Variants in SMAP1 observed in about 807,000 individuals in gnomAD.
SMAP1 encodes stromal membrane-associated protein 1.
Under a neutral mutation model 58.5 loss-of-function variants are expected in SMAP1, and 24 were observed. That is an observed-to-expected ratio of 0.41 (90% CI 0.30 to 0.58). SMAP1 has a LOEUF of 0.58. Ranked by LOEUF, SMAP1 falls within the 20% of genes least tolerant of loss-of-function variation. The pLI, the probability that SMAP1 is intolerant of heterozygous loss-of-function variation, is 0.29. For missense variants in SMAP1, 563 were observed against 566.3 expected (o/e 0.99, Z 0.06); for synonymous variants, 216 against 196.6 (o/e 1.10, Z -0.82).
intron 6 of SMAP1, among the ~76,000 whole-genome samples, chr6:70,801,593 C>T (rs1049244081): frequency 2.6e-5 from 4 of 152,092 alleles, no homozygotes; most frequent in Non-Finnish European, 5.9e-5. Flanking sequence ...CTTGCCCATG[C>T]CTGTGTCCTG....
At chr6:70,798,431 G>A (rs766625384) in intron 5 of SMAP1, among the ~76,000 whole-genome samples, 9 of 151,878 alleles carry the variant, frequency 5.9e-5, no homozygotes, top group Admixed American at 1.3e-4. Context: ...TTGTCTTACC[G>A]CTGTGCCTCT....
intron 4 of SMAP1, among the ~76,000 whole-genome samples, chr6:70,785,141 T>A (rs1767952535): frequency 6.6e-6 from 1 of 152,186 alleles, no homozygotes; most frequent in South Asian, 2.1e-4. Context: ...AACTCAGGAT[T>A]AAGAAACTCA....
chr6:70,668,600 A>T, intron 1 of SMAP1: 1 of 1,535,368 alleles, frequency 6.5e-7, no homozygotes, highest in East Asian at 2.4e-5. Flanking sequence ...ACGTCCTCCC[A>T]CTCCGGGCTC....
At chr6:70,820,878 C>G (rs2149981275) in intron 6 of SMAP1, among the ~76,000 whole-genome samples, 1 of 152,096 alleles carries the variant, frequency 6.6e-6, no homozygotes, top group African/African-American at 2.4e-5. Context: ...TGCTTTTCGA[C>G]TCTTATTTTT....
At position 70,676,954 on chromosome 6, in the gene SMAP1, A is replaced by G. The variant is rs927897703; in HGVS notation, c.118+8813A>G. On this transcript the variant is annotated intron_variant, in intron 1 of 10. Coordinates refer to ENST00000370455, the MANE Select transcript of SMAP1 (RefSeq NM_001044305.3). The stretch of plus-strand genomic sequence containing the variant: ...TGTCACCATGTATGGCTAATTTAAA[A>G]AAAATTTTTTTGTTGGGTGTGGTGG... Among the ~76,000 whole-genome samples the G allele has an allele frequency of 2.6e-5, 4 of 151,828 alleles. No individual in the cohort carries two copies. The South Asian group carries it at 6.2e-4, about 24-fold the overall frequency.
chr6:70,731,035 A>G (rs941602641), intron 1 of SMAP1, among the ~76,000 whole-genome samples: 5 of 152,164 alleles, frequency 3.3e-5, no homozygotes, highest in African/African-American at 1.2e-4. Context: ...CCTGACCTCA[A>G]GTGATCCGCC....
At chr6:70,695,031 A>G (rs746103594) in intron 1 of SMAP1, among the ~76,000 whole-genome samples, 4 of 152,162 alleles carry the variant, frequency 2.6e-5, no homozygotes, top group Non-Finnish European at 4.4e-5. Context: ...AAGTTTATTT[A>G]TCTCATTGTA....
At chr6:70,822,292 G>A (rs1254155177) in intron 6 of SMAP1, among the ~76,000 whole-genome samples, 2 of 152,130 alleles carry the variant, frequency 1.3e-5, no homozygotes, top group Non-Finnish European at 2.9e-5. Context: ...ATTGTTCTAA[G>A]CTCTTTAAAT....
chr6:70,773,341 T>C lies in SMAP1; in HGVS notation c.339-9T>C, dbSNP rs1161078104. ...AATTCATGCTTTTCCTTAAGTTATC[T>C]GTTTTCAGAGCAGTGGAATTTTTCA... On this transcript the variant is annotated splice_polypyrimidine_tract_variant and intron_variant, in intron 3 of 10. Coordinates refer to ENST00000370455, the MANE Select transcript of SMAP1 (RefSeq NM_001044305.3). The C allele has an allele frequency of 6.5e-7, 1 of 1,530,402 alleles. No homozygotes were observed. The highest frequency in any genetic ancestry group is 1.7e-4 in the Middle Eastern group (1 of 5,872). 94.8% of individuals were successfully genotyped at this position (1,530,402 alleles called of 1,614,324 possible). A position where few individuals can be genotyped will look rare whatever the true frequency, so the allele number is the denominator to read the frequency against.
At chr6:70,824,155 G>T (rs1770013738) in intron 6 of SMAP1, among the ~76,000 whole-genome samples, 2 of 152,048 alleles carry the variant, frequency 1.3e-5, no homozygotes, top group Admixed American at 1.3e-4. Context: ...TTCTTTGATA[G>T]GCTTAAAAAG....
chr6:70,815,353 G>A (rs1420850313), intron 6 of SMAP1, among the ~76,000 whole-genome samples: 1 of 152,090 alleles, frequency 6.6e-6, no homozygotes, highest in Non-Finnish European at 1.5e-5. Context: ...CTTTATGATG[G>A]GCAGTCCAAT....
intron 1 of SMAP1, among the ~76,000 whole-genome samples, chr6:70,714,132 A>G (rs1489951883): frequency 6.6e-6 from 1 of 151,990 alleles, no homozygotes; most frequent in African/African-American, 2.4e-5. Flanking sequence ...TTGAATCTAA[A>G]GTTAGTTTCT....
At chr6:70,700,129 T>C (rs765336412) in intron 1 of SMAP1, among the ~76,000 whole-genome samples, 5 of 152,060 alleles carry the variant, frequency 3.3e-5, no homozygotes, top group Non-Finnish European at 5.9e-5. Flanking sequence ...TCATGAGATA[T>C]GATTATTTAA....
At chr6:70,700,705 A>C (rs1483339006) in intron 1 of SMAP1, among the ~76,000 whole-genome samples, 1 of 152,190 alleles carries the variant, frequency 6.6e-6, no homozygotes, top group Admixed American at 6.5e-5. Context: ...ACAGCTGTGA[A>C]CATGGTGGGT....
At chr6:70,774,763 CTTA>C (rs1434450505) in intron 4 of SMAP1, among the ~76,000 whole-genome samples, 7 of 151,668 alleles carry the variant, frequency 4.6e-5, no homozygotes, top group African/African-American at 1.5e-4. Flanking sequence ...GGCATGGTGG[CTTA>C]TGCCTGTAAT....
At chr6:70,674,540 A>G (rs977455944) in intron 1 of SMAP1, among the ~76,000 whole-genome samples, 5 of 152,224 alleles carry the variant, frequency 3.3e-5, no homozygotes, top group African/African-American at 1.2e-4. Flanking sequence ...TTTTGTAGTT[A>G]TTATCAGAAG....
chr6:70,730,900 A>C (rs1171426340), intron 1 of SMAP1, among the ~76,000 whole-genome samples: 1 of 152,174 alleles, frequency 6.6e-6, no homozygotes, highest in African/African-American at 2.4e-5. Flanking sequence ...CTGAGGTTCA[A>C]GTGATTCTCT....
chr6:70,851,083 CAT>C lies in SMAP1; in HGVS notation c.665-1454_665-1453del, dbSNP rs544806439. ...GTACTTGATATAGATATGTATAATA[CAT>C]ATCAATATATTTCTTTTAATGGTTG... On this transcript the variant is annotated intron_variant, in intron 7 of 10. Coordinates refer to ENST00000370455, the MANE Select transcript of SMAP1 (RefSeq NM_001044305.3). 3.0e-3 allele frequency among the ~76,000 whole-genome samples: 456 copies of C among 152,172 alleles called. 3 individuals carry two copies. The highest frequency in any genetic ancestry group is 0.01 in the African/African-American group (425 of 41,548).
At chr6:70,769,199 G>T (rs1248883464) in intron 3 of SMAP1, among the ~76,000 whole-genome samples, 1 of 152,152 alleles carries the variant, frequency 6.6e-6, no homozygotes, top group Non-Finnish European at 1.5e-5. Context: ...AATAGGTGTG[G>T]TGTGGTGCTG....
Sources: allele counts gnomAD v4.1 joint callset (sites outside exome capture counted in the v4.1 genomes callset), GRCh38; gene constraint gnomAD v4.1.1; transcripts MANE v1.5; gene names NCBI Gene and HGNC (gene_info 2026-07-23, HGNC 2026-07-21).